PACRGL: variants seen among roughly 807,000 people sequenced by gnomAD.
PACRGL encodes the protein parkin coregulated like, also known as PACRG-like protein.
PACRGL carries 38 observed loss-of-function variants against 34.5 expected under a neutral mutation model. The observed-to-expected ratio is 1.10, with a 90% CI of 0.85 to 1.44. PACRGL has a LOEUF of 1.44. Ranked by LOEUF, PACRGL falls within the 40% of genes most tolerant of loss-of-function variation. The pLI, the probability that PACRGL is intolerant of heterozygous loss-of-function variation, is 0.00. For synonymous variants in PACRGL, 128 were observed against 100.1 expected, an observed-to-expected ratio of 1.28 and a Z score of -1.66; for missense variants, 305 against 281.4, an observed-to-expected ratio of 1.08 and a Z score of -0.60.
At chr4:20,716,118 G>A in intron 7 of PACRGL, 1 of 1,524,626 alleles carries the variant, frequency 6.6e-7, no homozygotes, top group Non-Finnish European at 8.8e-7. Flanking sequence ...ACCCTGTGCA[G>A]CTCATGAGGT....
chr4:20,755,813 G>A (rs908265492), downstream of PACRGL, among the ~76,000 whole-genome samples: 14 of 152,136 alleles, frequency 9.2e-5, no homozygotes, highest in African/African-American at 3.4e-4. Context: ...GGGAACAGCA[G>A]GTTCAAAGGC....
chr4:20,723,528 T>C (rs762268362), intron 7 of PACRGL, among the ~76,000 whole-genome samples: 4 of 151,956 alleles, frequency 2.6e-5, no homozygotes, highest in African/African-American at 7.3e-5. Flanking sequence ...GGATGTGATA[T>C]GTAGAGAAAA....
At chr4:20,734,976 C>A (rs1413678934), downstream of PACRGL, among the ~76,000 whole-genome samples, 11 of 152,020 alleles carry the variant, frequency 7.2e-5, no homozygotes, top group Admixed American at 7.2e-4. Flanking sequence ...GGAAATTGTA[C>A]CAGTGCGTAC....
chr4:20,749,745 A>G (rs1222245188), intron 8 of PACRGL: 14 of 1,578,438 alleles, frequency 8.9e-6, no homozygotes, highest in African/African-American at 1.3e-5. Flanking sequence ...GAAATGGTAA[A>G]AAGGGAGTAT....
chr4:20,761,651 T>C, the PACRGL span, among the ~76,000 whole-genome samples: 3,198 of 152,236 alleles, frequency 0.021, 35 homozygotes, highest in Non-Finnish European at 0.028. Context: ...GAAGAGGACT[T>C]CAAGCAAAGG....
chr4:20,723,407 G>A (rs1744272844), intron 7 of PACRGL, among the ~76,000 whole-genome samples: 1 of 151,822 alleles, frequency 6.6e-6, no homozygotes, highest in Non-Finnish European at 1.5e-5. Flanking sequence ...GAGATTATTG[G>A]TTTTGGTTTT....
At position 20,748,894 on chromosome 4, in the gene PACRGL, G is replaced by GTATA. The variant is rs57841958; in HGVS notation, c.*57-3651_*57-3648dup. 8.8e-4 allele frequency among the ~76,000 whole-genome samples: 128 copies of GTATA among 145,244 alleles called. 1 individual carries two copies. Among genetic ancestry groups the GTATA allele is most frequent in the Admixed American group, 3.3e-3 (47 of 14,280 alleles). On this transcript the variant is annotated intron_variant, in intron 8 of 8. Transcript: ENST00000507634. ...CGTGTGTGTGTGTATGTGTGTGTGT[G>GTATA]TATATATATATATATATATATATGA...
chr4:20,762,391 C>T, the PACRGL span, among the ~76,000 whole-genome samples: 41 of 152,086 alleles, frequency 2.7e-4, 1 homozygote, highest in Admixed American at 2.6e-3. Context: ...ATAGCAAAGA[C>T]CAATAACTAA....
At chr4:20,708,236 A>G (rs1735462914) in intron 4 of PACRGL, among the ~76,000 whole-genome samples, 1 of 152,200 alleles carries the variant, frequency 6.6e-6, no homozygotes, top group Non-Finnish European at 1.5e-5. Flanking sequence ...ATATTTCATA[A>G]TAAATACATA....
At chr4:20,761,876 A>G in the PACRGL span, among the ~76,000 whole-genome samples, 5 of 152,160 alleles carry the variant, frequency 3.3e-5, no homozygotes, top group Admixed American at 2.6e-4. Flanking sequence ...GTTTTTATCC[A>G]CCTTATATTC....
chr4:20,766,331 G>A, the PACRGL span, among the ~76,000 whole-genome samples: 1 of 152,172 alleles, frequency 6.6e-6, no homozygotes, highest in Non-Finnish European at 1.5e-5. Flanking sequence ...TACTTTGGGA[G>A]GCCAAGGTGG....
rs891039978 is a variant in PACRGL, at chr4:20,731,603, G to A, written c.*4262G>A. 28 of 984,968 alleles carry A rather than the reference G, an allele frequency of 2.8e-5. No homozygotes were observed. Among genetic ancestry groups the A allele is most frequent in the African/African-American group, 3.5e-5 (2 of 57,204 alleles). 61.0% of individuals were successfully genotyped at this position (984,968 alleles called of 1,614,324 possible). A position where few individuals can be genotyped will look rare whatever the true frequency, so the allele number is the denominator to read the frequency against. On this transcript the variant is annotated 3_prime_UTR_variant, in exon 9 of 9. Transcript: ENST00000503585. ...CTCTTAGAAATCAGATAGAAGCTTG[G>A]CCTGTTGTGATGCCATACTTGGCTA...
chr4:20,763,059 C>T, the PACRGL span, among the ~76,000 whole-genome samples: 2 of 152,112 alleles, frequency 1.3e-5, no homozygotes, highest in African/African-American at 4.8e-5. Flanking sequence ...GGAACTGCCT[C>T]CATGATTCAA....
chr4:20,742,614 A>G (rs530054656), intron 8 of PACRGL, among the ~76,000 whole-genome samples: 33 of 152,288 alleles, frequency 2.2e-4, no homozygotes, highest in African/African-American at 7.7e-4. Flanking sequence ...TATCATACTG[A>G]ATGGGCAAAA....
rs1578390169 is a variant in PACRGL at position 20,729,492 on chromosome 4, A to ATTT, written c.*2154_*2156dup. ...TAAACTAATTTTTAAATGTTTAATA[A>ATTT]TTTTTAAATGTTTAAAAATGCCAGA... On this transcript the variant is annotated 3_prime_UTR_variant, in exon 9 of 9. Transcript: ENST00000503585. 2 of 151,060 alleles carry ATTT rather than the reference A, an allele frequency of 1.3e-5. No homozygotes were observed. The highest frequency in any genetic ancestry group is 4.0e-4 in the East Asian group (2 of 4,978). The allele number at this position is 151,060 out of a possible 1,614,324, so 9.4% of individuals were successfully genotyped here.
chr4:20,724,367 G>A (rs183508973), intron 7 of PACRGL, among the ~76,000 whole-genome samples: 29 of 152,256 alleles, frequency 1.9e-4, no homozygotes, highest in South Asian at 8.3e-4. Context: ...TCTGAAGAAA[G>A]CAACTGGAAG....
At chr4:20,699,222 G>T (rs1560272051), upstream of PACRGL, among the ~76,000 whole-genome samples, 2 of 129,812 alleles carry the variant, frequency 1.5e-5, no homozygotes, top group Non-Finnish European at 3.4e-5. Context: ...CAGGATATAA[G>T]ATTTTTTTTT....
chr4:20,718,678 T>C (rs1282116049), intron 7 of PACRGL: 1 of 151,936 alleles, frequency 6.6e-6, no homozygotes, highest in African/African-American at 2.4e-5. Context: ...GGGATGAAGC[T>C]TATTCACTTG....
At chr4:20,733,992 G>C (rs1015121135), downstream of PACRGL, among the ~76,000 whole-genome samples, 1 of 152,134 alleles carries the variant, frequency 6.6e-6, no homozygotes, top group Non-Finnish European at 1.5e-5. Flanking sequence ...GGGAAGTCTC[G>C]TGAGGCAAAG....
Sources: gnomAD v4.1 joint callset for allele counts (sites outside exome capture counted in the v4.1 genomes callset) on GRCh38, gnomAD v4.1.1 for gene constraint, MANE v1.5 for transcripts, NCBI Gene and HGNC (gene_info 2026-07-23, HGNC 2026-07-21) for gene names.